The following AKT3 variants were observed in gnomAD, a reference collection of about 807,000 sequenced individuals.
AKT3 encodes AKT serine/threonine kinase 3.
In AKT3, 15 loss-of-function variants were observed where a neutral mutation model predicts 65.3. The observed-to-expected ratio is 0.23, with a 90% confidence interval of 0.15 to 0.35. The LOEUF is 0.35. Ranked by LOEUF, AKT3 falls within the 10% of genes least tolerant of loss-of-function variation. The pLI, the probability that AKT3 is intolerant of heterozygous loss-of-function variation, is 1.00. For synonymous variants in AKT3, 206 were observed against 183.8 expected, an observed-to-expected ratio of 1.12 and a Z score of -0.98; for missense variants, 243 against 576.5, an observed-to-expected ratio of 0.42 and a Z score of 5.92.
At chr1:243,574,200 T>C (rs1440390345) in intron 8 of AKT3, among the ~76,000 whole-genome samples, 1 of 152,110 alleles carries the variant, frequency 6.6e-6, no homozygotes, top group Non-Finnish European at 1.5e-5. Flanking sequence ...ACCAAAGTCA[T>C]TATTTCAAGT....
chr1:243,644,569 G>A (rs900544213), intron 5 of AKT3, among the ~76,000 whole-genome samples: 8 of 151,940 alleles, frequency 5.3e-5, no homozygotes, highest in Non-Finnish European at 1.0e-4. Context: ...TGTAATACGT[G>A]CTCAATAAAT....
At chr1:243,708,800 TTTGAGGAGGATAACAA>T (rs1000675966) in intron 2 of AKT3, among the ~76,000 whole-genome samples, 1 of 151,980 alleles carries the variant, frequency 6.6e-6, no homozygotes, top group Non-Finnish European at 1.5e-5. Flanking sequence ...GACAAAGTAA[TTTGAGGAGGATAACAA>T]TTCAGTTCCA....
intron 2 of AKT3, among the ~76,000 whole-genome samples, chr1:243,812,758 C>G (rs1449668469): frequency 1.3e-5 from 2 of 152,022 alleles, no homozygotes; most frequent in Admixed American, 6.6e-5. Context: ...TAGCAAAGAC[C>G]TGGAACCAAC....
chr1:243,695,206 A>C (rs1015867645), intron 3 of AKT3, among the ~76,000 whole-genome samples: 5 of 151,964 alleles, frequency 3.3e-5, no homozygotes, highest in Admixed American at 2.0e-4. Flanking sequence ...TCATCACACA[A>C]TCAAAAGAGC....
chr1:243,842,743 C>A (rs1269845616), intron 2 of AKT3, among the ~76,000 whole-genome samples: 1 of 152,098 alleles, frequency 6.6e-6, no homozygotes, highest in Non-Finnish European at 1.5e-5. Context: ...TGGCTTAATT[C>A]TCTTATTTAT....
At chr1:243,546,078 G>A (rs1157591480) in intron 11 of AKT3, among the ~76,000 whole-genome samples, 1 of 152,080 alleles carries the variant, frequency 6.6e-6, no homozygotes, top group Non-Finnish European at 1.5e-5. Flanking sequence ...ATGGGGGCAG[G>A]TTTTTCCCAT....
chr1:243,516,672 G>A (rs369813465), intron 12 of AKT3, among the ~76,000 whole-genome samples: 1 of 150,446 alleles, frequency 6.6e-6, no homozygotes, highest in African/African-American at 2.5e-5. Context: ...TCCTGCCTCA[G>A]CCTCCTGAAG....
chr1:243,583,563 A>G (rs1230250760), intron 8 of AKT3, among the ~76,000 whole-genome samples: 3 of 95,700 alleles, frequency 3.1e-5, no homozygotes, highest in Admixed American at 1.2e-4. Context: ...AAAAGAAAAA[A>G]AAAAGAAAAA....
chr1:243,565,166 A>C lies in AKT3; in HGVS notation c.820-1318T>G, dbSNP rs1255362615. On this transcript the variant is annotated intron_variant, in intron 9 of 13. Transcript: ENST00000673466. ...ATGTATAGCATGTCTCACAGAGGTA[A>C]GTCTGGCTTCAATTTTTTTCTACAG... 5.9e-5 allele frequency among the ~76,000 whole-genome samples: 9 copies of C among 152,316 alleles called. No homozygotes were observed. The East Asian group carries it at 9.7e-4, about 16-fold the overall frequency.
chr1:243,744,254 A>G (rs1358352349), intron 2 of AKT3, among the ~76,000 whole-genome samples: 3 of 152,210 alleles, frequency 2.0e-5, no homozygotes, highest in Non-Finnish European at 1.5e-5. Context: ...TATGCTGTAG[A>G]AGTCATCCTG....
At chr1:243,819,910 G>A (rs1430835181) in intron 2 of AKT3, among the ~76,000 whole-genome samples, 1 of 152,004 alleles carries the variant, frequency 6.6e-6, no homozygotes, top group African/African-American at 2.4e-5. Context: ...CCCTACGGGA[G>A]AGGGGCCTGT....
At chr1:243,728,166 G>A (rs753024229) in intron 2 of AKT3, among the ~76,000 whole-genome samples, 2 of 152,132 alleles carry the variant, frequency 1.3e-5, no homozygotes, top group East Asian at 1.9e-4. Flanking sequence ...CCTGAAACAC[G>A]CATCAACGAT....
intron 3 of AKT3, among the ~76,000 whole-genome samples, chr1:243,690,468 C>T (rs1487031464): frequency 2.0e-5 from 3 of 152,116 alleles, no homozygotes; most frequent in African/African-American, 7.2e-5. Flanking sequence ...ATCCATCAAA[C>T]CATAATTGTG....
At chr1:243,655,015 T>A (rs999986164) in intron 4 of AKT3, among the ~76,000 whole-genome samples, 10 of 152,174 alleles carry the variant, frequency 6.6e-5, no homozygotes, top group Admixed American at 5.9e-4. Flanking sequence ...TTTCAAATAC[T>A]TTTTGCTCTA....
At chr1:243,675,240 T>C (rs1683422964) in intron 3 of AKT3, among the ~76,000 whole-genome samples, 1 of 152,322 alleles carries the variant, frequency 6.6e-6, no homozygotes, top group South Asian at 2.1e-4. Flanking sequence ...TGCTTTGTCA[T>C]CCATGATGGA....
chr1:243,744,384 G>A (rs1348004797), intron 2 of AKT3, among the ~76,000 whole-genome samples: 1 of 152,122 alleles, frequency 6.6e-6, no homozygotes, highest in Non-Finnish European at 1.5e-5. Flanking sequence ...AATATTTACA[G>A]AGCCGTATTC....
In AKT3 at chr1:243,507,536, G is replaced by A. The variant is rs115272079; in HGVS notation, c.1355-2202C>T. On this transcript the variant is annotated intron_variant, in intron 13 of 13. Transcript: ENST00000673466. ...GAGAGCCTGGGCAGGGGCTGCGGTG[G>A]GAGGGGAGCTGGAGGAAGTGGCAGC... Among the ~76,000 whole-genome samples, 929 of 152,306 alleles carry A rather than the reference G, an allele frequency of 6.1e-3. 11 individuals carry two copies. The highest frequency in any genetic ancestry group is 0.02 in the African/African-American group (852 of 41,568).
chr1:243,571,144 CT>C (rs765242796), intron 9 of AKT3, among the ~76,000 whole-genome samples: 5 of 152,068 alleles, frequency 3.3e-5, no homozygotes, highest in African/African-American at 4.8e-5. Context: ...CCGTGAAACC[CT>C]GTCTCTACTA....
At chr1:243,808,498 TGAAC>T (rs1692901296) in intron 2 of AKT3, among the ~76,000 whole-genome samples, 1 of 152,040 alleles carries the variant, frequency 6.6e-6, no homozygotes, top group African/African-American at 2.4e-5. Context: ...TAAAAAGAAA[TGAAC>T]AAAGCTTCCA....
Sources: allele counts gnomAD v4.1 joint callset (sites outside exome capture counted in the v4.1 genomes callset), GRCh38; gene constraint gnomAD v4.1.1; transcripts MANE v1.5; gene names NCBI Gene and HGNC (gene_info 2026-07-23, HGNC 2026-07-21).